The following ZDHHC14 variants were observed in gnomAD, a reference collection of about 807,000 sequenced individuals.
ZDHHC14 encodes zDHHC palmitoyltransferase 14.
A neutral mutation model predicts 47.7 loss-of-function variants in ZDHHC14; 16 were observed. The ratio of observed to expected loss-of-function variants is 0.34; its 90% CI spans 0.23 to 0.51. The LOEUF is 0.51. Ranked by LOEUF, ZDHHC14 falls within the 20% of genes least tolerant of loss-of-function variation. The pLI, the probability that ZDHHC14 is intolerant of heterozygous loss-of-function variation, is 0.97. For missense variants in ZDHHC14, 515 were observed against 662.5 expected, an observed-to-expected ratio of 0.78 and a Z score of 2.44; for synonymous variants, 293 against 278.9, an observed-to-expected ratio of 1.05 and a Z score of -0.50.
chr6:157,445,144 A>T (rs112717075), intron 1 of ZDHHC14, among the ~76,000 whole-genome samples: 3,464 of 146,926 alleles, frequency 0.024, 70 homozygotes, highest in Middle Eastern at 0.034. Flanking sequence ...ACACACACAC[A>T]CTCTTCATAT....
rs760284257 is a variant in ZDHHC14 at position 157,382,147 on chromosome 6, G to A, written c.126G>A (p.Val42=). ...KKIAARRKWE[V]FPGRNKFFCN... Reference sequence around the variant, plus strand: ...TCGCGGCCCGGAGGAAATGGGAGGTGTTCCCGGGAAGAAACAAGTTCTTCT... The same window carrying A: ...TCGCGGCCCGGAGGAAATGGGAGGTATTCCCGGGAAGAAACAAGTTCTTCT... Residue 42 remains valine (V), a synonymous_variant, in exon 1 of 9, where the codon GTG becomes GTA. Transcript: ENST00000359775. 1.9e-6 allele frequency: 3 copies of A among 1,613,856 alleles called. No individual in the cohort carries two copies. The highest frequency in any genetic ancestry group is 1.7e-6 in the Non-Finnish European group (2 of 1,179,894).
intron 1 of ZDHHC14, among the ~76,000 whole-genome samples, chr6:157,517,047 C>T (rs1780717213): frequency 6.6e-6 from 1 of 151,928 alleles, no homozygotes; most frequent in South Asian, 2.1e-4. Flanking sequence ...GTTTTTATAC[C>T]GTGGTTGTAC....
chr6:157,622,384 C>G (rs1169752222), intron 3 of ZDHHC14, among the ~76,000 whole-genome samples: 1 of 152,106 alleles, frequency 6.6e-6, no homozygotes, highest in African/African-American at 2.4e-5. Flanking sequence ...GAGCAAGGCT[C>G]CATTTCAAAA....
intron 1 of ZDHHC14, among the ~76,000 whole-genome samples, chr6:157,418,179 C>G (rs1778022752): frequency 6.6e-6 from 1 of 152,130 alleles, no homozygotes; most frequent in Admixed American, 6.5e-5. Flanking sequence ...TGAGGAGGCC[C>G]TGTCCCACGC....
In ZDHHC14 at chr6:157,653,950, G is replaced by C. The variant is rs994659007; in HGVS notation, c.1068+323G>C. Among the ~76,000 whole-genome samples the C allele has an allele frequency of 3.3e-5, 5 of 152,120 alleles. No individual in the cohort carries two copies. In the East Asian group the frequency reaches 9.6e-4, roughly 29 times the overall value. On this transcript the variant is annotated intron_variant, in intron 8 of 8. Coordinates refer to ENST00000359775, the MANE Select transcript of ZDHHC14 (RefSeq NM_024630.3). ...ATCAGGCTGTTGTTACACATCCCAG[G>C]CAGGGCTGGGCTCATGATCTTCCAT...
intron 1 of ZDHHC14, among the ~76,000 whole-genome samples, chr6:157,437,971 A>G (rs1778476946): frequency 6.6e-6 from 1 of 152,114 alleles, no homozygotes; most frequent in African/African-American, 2.4e-5. Context: ...CTAAATAGGT[A>G]TAAAGCTAAT....
rs1331199534 is a variant in ZDHHC14, at chr6:157,531,184, A to G, written c.246-11401A>G. ...ACCCAGATGTCCCGGGTCTGCTCTGATGATTCCACAACATTCAATTCAGCA... is the reference window on the plus strand; with the variant it reads ...ACCCAGATGTCCCGGGTCTGCTCTGGTGATTCCACAACATTCAATTCAGCA... On this transcript the variant is annotated intron_variant, in intron 1 of 8. Transcript: ENST00000359775. Among the ~76,000 whole-genome samples, 7 of 152,228 alleles carry G rather than the reference A, an allele frequency of 4.6e-5. No individual in the cohort carries two copies. In the East Asian group the frequency reaches 1.4e-3, roughly 29 times the overall value.
chr6:157,536,864 G>A (rs1278189287), intron 1 of ZDHHC14, among the ~76,000 whole-genome samples: 1 of 99,232 alleles, frequency 1.0e-5, no homozygotes, highest in African/African-American at 4.6e-5. Context: ...TGTCGCCCAG[G>A]CTGGAGTGCA....
chr6:157,449,781 T>C (rs1343796834), intron 1 of ZDHHC14, among the ~76,000 whole-genome samples: 5 of 152,222 alleles, frequency 3.3e-5, no homozygotes, highest in Admixed American at 3.3e-4. Context: ...TGACTTGTTA[T>C]TGATGGAAAA....
intron 2 of ZDHHC14, among the ~76,000 whole-genome samples, chr6:157,578,788 T>A (rs567754725): frequency 1.3e-5 from 2 of 152,298 alleles, no homozygotes; most frequent in South Asian, 4.2e-4. Context: ...TGCCTGCTTC[T>A]CTTTGCCTTC....
chr6:157,537,525 G>A (rs1322511211), intron 1 of ZDHHC14, among the ~76,000 whole-genome samples: 1 of 152,168 alleles, frequency 6.6e-6, no homozygotes, highest in African/African-American at 2.4e-5. Context: ...TTTATGTTAT[G>A]AAGATGTATT....
At chr6:157,544,593 T>G (rs144478562) in intron 2 of ZDHHC14, among the ~76,000 whole-genome samples, 252 of 152,228 alleles carry the variant, frequency 1.7e-3, no homozygotes, top group Middle Eastern at 3.4e-3. Flanking sequence ...AGGGTTGCAG[T>G]GAGCCAAGAT....
chr6:157,646,565 A>G (rs1374696617), intron 6 of ZDHHC14, among the ~76,000 whole-genome samples: 2 of 150,988 alleles, frequency 1.3e-5, no homozygotes, highest in Non-Finnish European at 2.9e-5. Context: ...GTGAGCTGAG[A>G]TAGCGCCACT....
In ZDHHC14 at chr6:157,586,066, G is replaced by C. The variant is rs995857145; in HGVS notation, c.407-6922G>C. Among the ~76,000 whole-genome samples the C allele has an allele frequency of 1.3e-5, 2 of 152,178 alleles. No homozygotes were observed. Among genetic ancestry groups the C allele is most frequent in the African/African-American group, 2.4e-5 (1 of 41,432 alleles). On this transcript the variant is annotated intron_variant, in intron 2 of 8. Coordinates refer to ENST00000359775, the MANE Select transcript of ZDHHC14 (RefSeq NM_024630.3). This position sits in a 1 kb window ranked among gnomAD's most constrained non-coding sequence, Gnocchi z 4.6. The stretch of plus-strand genomic sequence containing the variant: ...TGGATAGGCCGTGGTCACTGCCCTG[G>C]AGCAGCAGGAAGATCTGGAAACAAA...
chr6:157,410,555 T>TA (rs778553320), intron 1 of ZDHHC14, among the ~76,000 whole-genome samples: 5 of 152,232 alleles, frequency 3.3e-5, no homozygotes, highest in Non-Finnish European at 5.9e-5. Flanking sequence ...GGCTATAAGA[T>TA]AAAAGCTAGT....
At chr6:157,615,813 T>TTTTGTTTTGG (rs1191370391) in intron 3 of ZDHHC14, among the ~76,000 whole-genome samples, 1 of 145,404 alleles carries the variant, frequency 6.9e-6, no homozygotes, top group African/African-American at 2.5e-5. Flanking sequence ...TTTTGTTTTG[T>TTTTGTTTTGG]TTTGGTTGTT....
At chr6:157,508,062 G>A (rs1436388565) in intron 1 of ZDHHC14, among the ~76,000 whole-genome samples, 2 of 152,110 alleles carry the variant, frequency 1.3e-5, no homozygotes, top group Non-Finnish European at 2.9e-5. Context: ...CTATTCAGAA[G>A]TCCAGGGCCA....
intron 1 of ZDHHC14, among the ~76,000 whole-genome samples, chr6:157,466,489 A>G (rs891144970): frequency 6.6e-6 from 1 of 152,236 alleles, no homozygotes; most frequent in Non-Finnish European, 1.5e-5. Flanking sequence ...GTTATTTAAA[A>G]AATTGAATTA....
intron 1 of ZDHHC14, among the ~76,000 whole-genome samples, chr6:157,460,109 A>AAG (rs1779038553): frequency 6.6e-6 from 1 of 150,844 alleles, no homozygotes; most frequent in Non-Finnish European, 1.5e-5. Flanking sequence ...GGGCTGAGGC[A>AAG]GGAGAATCGC....
Sources: gnomAD v4.1 joint callset for allele counts (sites outside exome capture counted in the v4.1 genomes callset) on GRCh38, gnomAD v4.1.1 for gene constraint, Gnocchi (gnomAD v3.1) non-coding constraint, MANE v1.5 for transcripts, NCBI Gene and HGNC (gene_info 2026-07-23, HGNC 2026-07-21) for gene names.